The following BBX variants were observed in gnomAD, a reference collection of about 807,000 sequenced individuals.
BBX encodes the protein HMG box transcription factor BBX.
BBX carries 30 observed loss-of-function variants against 100.2 expected under a neutral mutation model. That is an observed-to-expected ratio of 0.30 (90% confidence interval 0.22 to 0.41). BBX has a LOEUF of 0.41. BBX is among the 10% of genes least tolerant of loss of function. The probability of loss-of-function intolerance (pLI) is 1.00; values close to 1 mark genes in which losing one functional copy is unlikely to be tolerated. For missense variants in BBX, 1,023 were observed against 1,129.8 expected, an observed-to-expected ratio of 0.91 and a Z score of 1.35; for synonymous variants, 376 against 388.1, an observed-to-expected ratio of 0.97 and a Z score of 0.37.
chr3:107,706,333 C>T (rs75006702), intron 3 of BBX, among the ~76,000 whole-genome samples: 2,084 of 152,126 alleles, frequency 0.014, 44 homozygotes, highest in African/African-American at 0.049. Flanking sequence ...TGGCTTGCTA[C>T]ATTTGAAGAA....
At chr3:107,547,990 A>G (rs949089588) in intron 2 of BBX, among the ~76,000 whole-genome samples, 2 of 152,040 alleles carry the variant, frequency 1.3e-5, no homozygotes, top group Non-Finnish European at 1.5e-5. Context: ...TGTCATTTTT[A>G]TGGCTTCTTT....
chr3:107,702,841 A>G (rs1560003086), intron 3 of BBX, among the ~76,000 whole-genome samples: 1 of 151,990 alleles, frequency 6.6e-6, no homozygotes, highest in African/African-American at 2.4e-5. Flanking sequence ...AGAGAGGGAG[A>G]ATGGGGGTGT....
chr3:107,663,704 C>T (rs1205852078), intron 3 of BBX, among the ~76,000 whole-genome samples: 5 of 151,970 alleles, frequency 3.3e-5, no homozygotes, highest in Non-Finnish European at 5.9e-5. Flanking sequence ...CTTTGTAATT[C>T]ATTTATTGTC....
At chr3:107,703,511 G>A (rs2061209266) in intron 3 of BBX, among the ~76,000 whole-genome samples, 1 of 152,166 alleles carries the variant, frequency 6.6e-6, no homozygotes, top group Non-Finnish European at 1.5e-5. Flanking sequence ...ATGAGTTAAA[G>A]GCAGAGGGAC....
chr3:107,534,641 T>G (rs1250819509), intron 2 of BBX, among the ~76,000 whole-genome samples: 1 of 152,204 alleles, frequency 6.6e-6, no homozygotes, highest in Admixed American at 6.5e-5. Context: ...CGATTTGTAG[T>G]TTTTGAGTCC....
chr3:107,716,090 TTAAA>T (rs1461214296), intron 4 of BBX, among the ~76,000 whole-genome samples: 1 of 152,228 alleles, frequency 6.6e-6, no homozygotes, highest in African/African-American at 2.4e-5. Context: ...TACTTTCATG[TTAAA>T]TAGTCTCATA....
intron 10 of BBX, among the ~76,000 whole-genome samples, chr3:107,761,222 T>G (rs558841120): frequency 6.6e-6 from 1 of 152,308 alleles, no homozygotes; most frequent in Admixed American, 6.5e-5. Context: ...AACAAGTCTA[T>G]CAGATTGACA....
At chr3:107,629,812 T>C (rs1340131718) in intron 2 of BBX, among the ~76,000 whole-genome samples, 1 of 152,224 alleles carries the variant, frequency 6.6e-6, no homozygotes, top group Non-Finnish European at 1.5e-5. Flanking sequence ...CATCTCTTCC[T>C]TATTGCTTTG....
intron 2 of BBX, among the ~76,000 whole-genome samples, chr3:107,627,593 T>G (rs542768662): frequency 6.6e-6 from 1 of 152,302 alleles, no homozygotes; most frequent in East Asian, 1.9e-4. Flanking sequence ...ATAATGCATT[T>G]CAAGTGTTAT....
At position 107,555,194 on chromosome 3, in the gene BBX, A is replaced by G. The variant is rs925232065; in HGVS notation, c.-84+28796A>G. Among the ~76,000 whole-genome samples the G allele has an allele frequency of 2.6e-5, 4 of 152,190 alleles. No individual in the cohort carries two copies. In the East Asian group the frequency reaches 7.7e-4, roughly 29 times the overall value. On this transcript the variant is annotated intron_variant, in intron 2 of 17. Transcript: ENST00000325805. ...TTGAGGTGTAGTTGCTCAGTTTCCC[A>G]CCTCCTATCTTCTCTCTATTTGCAT...
chr3:107,550,355 C>T (rs773855355), intron 2 of BBX, among the ~76,000 whole-genome samples: 15 of 152,050 alleles, frequency 9.9e-5, no homozygotes, highest in Non-Finnish European at 5.9e-5. Flanking sequence ...TAACTTTTGA[C>T]GCTATTGTTG....
At chr3:107,580,064 T>A (rs1482301980) in intron 2 of BBX, among the ~76,000 whole-genome samples, 2 of 152,162 alleles carry the variant, frequency 1.3e-5, no homozygotes, top group Non-Finnish European at 2.9e-5. Context: ...CAGCAGATTT[T>A]AAAAAGCCAA....
intron 2 of BBX, among the ~76,000 whole-genome samples, chr3:107,545,253 A>C (rs2049148354): frequency 6.6e-6 from 1 of 152,224 alleles, no homozygotes; most frequent in Non-Finnish European, 1.5e-5. Flanking sequence ...AATAGAATGC[A>C]AAATGACTTT....
chr3:107,525,768 G>A (rs1396991118), intron 1 of BBX, among the ~76,000 whole-genome samples: 1 of 152,114 alleles, frequency 6.6e-6, no homozygotes, highest in Non-Finnish European at 1.5e-5. Context: ...GTTTTCCCTG[G>A]TCGGTTCCTA....
In BBX at chr3:107,659,777, G is replaced by A. The variant is rs886308005; in HGVS notation, c.-10+13868G>A. The A allele has an allele frequency of 3.1e-6, 4 of 1,271,382 alleles. No homozygotes were observed. The African/African-American group carries it at 6.1e-5, about 20-fold the overall frequency. 78.8% of individuals were successfully genotyped at this position (1,271,382 alleles called of 1,614,324 possible). On this transcript the variant is annotated intron_variant, in intron 3 of 17. Transcript: ENST00000325805. Reference sequence around the variant, plus strand: ...TGCACTGTTTATTTTTAACGTAAGTGTGTAGATACAGAAGTGGTACCCTGG... The same window carrying A: ...TGCACTGTTTATTTTTAACGTAAGTATGTAGATACAGAAGTGGTACCCTGG...
rs900730998 is a variant in BBX at position 107,672,780 on chromosome 3, A to G, written c.-10+26871A>G. ...TCACTACATTCACTTTGAATGTGGA[A>G]TGACTGTTGGTCATTTTAATGAAGT... On this transcript the variant is annotated intron_variant, in intron 3 of 17. Coordinates refer to ENST00000325805, the MANE Select transcript of BBX (RefSeq NM_001142568.3). Among the ~76,000 whole-genome samples the G allele has an allele frequency of 5.3e-5, 8 of 152,222 alleles. No homozygotes were observed. The South Asian group carries it at 8.3e-4, about 16-fold the overall frequency.
At chr3:107,636,134 C>T (rs1032261341) in intron 2 of BBX, among the ~76,000 whole-genome samples, 3 of 152,178 alleles carry the variant, frequency 2.0e-5, no homozygotes, top group Non-Finnish European at 4.4e-5. Flanking sequence ...ATTCAGGTTT[C>T]GTACCCATTC....
rs758816608 is a variant in BBX at position 107,773,004 on chromosome 3, A to G, written c.1283A>G (p.His428Arg). Reference sequence around the variant, plus strand: ...AGTGATGTTCCCAGTAGAAAGGATCATATGTGCCATCCTCATGGAATTATG... The same window carrying G: ...AGTGATGTTCCCAGTAGAAAGGATCGTATGTGCCATCCTCATGGAATTATG... ...IISDVPSRKD[H>R]MCHPHGIMII... The change falls in exon 11 of 18, where the codon CAT becomes CGT. Residue 428 changes from histidine to arginine, a missense_variant. Physicochemically the swap from His to Arg is conservative, Grantham distance 29. This residue lies in a region of BBX where 348 missense variants were observed against 353.2 expected (regional missense o/e 0.99). Coordinates refer to ENST00000325805, the MANE Select transcript of BBX (RefSeq NM_001142568.3). This position sits in a 1 kb window ranked among gnomAD's most constrained non-coding sequence, Gnocchi z 4.1. 2.2e-5 allele frequency: 35 copies of G among 1,614,010 alleles called. No individual in the cohort carries two copies. Among genetic ancestry groups the G allele is most frequent in the Non-Finnish European group, 2.8e-5 (33 of 1,180,010 alleles).
chr3:107,778,085 A>C (rs1234906496), intron 12 of BBX, among the ~76,000 whole-genome samples: 3 of 152,134 alleles, frequency 2.0e-5, no homozygotes. Flanking sequence ...CTCCCATGCC[A>C]GTGGAGAAAA....
Sources: gnomAD v4.1 joint callset for allele counts (sites outside exome capture counted in the v4.1 genomes callset) on GRCh38, gnomAD v4.1.1 for gene constraint, gnomAD v4.1.1 regional missense constraint, Gnocchi (gnomAD v3.1) non-coding constraint, MANE v1.5 for transcripts, NCBI Gene and HGNC (gene_info 2026-07-23, HGNC 2026-07-21) for gene names.